Variants in SFXN5 observed in about 807,000 individuals in gnomAD.
SFXN5 encodes the protein sideroflexin-5.
SFXN5 carries 43 observed loss-of-function variants against 50.2 expected under a neutral mutation model. The observed-to-expected ratio is 0.86, with a 90% confidence interval of 0.67 to 1.11. The LOEUF (loss-of-function observed/expected upper bound fraction) is 1.11. Among genes scored for constraint, SFXN5 ranks in the 50% least tolerant of loss-of-function variants. The pLI, the probability that SFXN5 is intolerant of heterozygous loss-of-function variation, is 0.00. For synonymous variants in SFXN5, 203 were observed against 185.8 expected (o/e 1.09, Z -0.75); for missense variants, 463 against 454.1 (o/e 1.02, Z -0.18).
At chr2:72,965,194 G>A (rs879795735) in intron 12 of SFXN5, among the ~76,000 whole-genome samples, 1 of 152,178 alleles carries the variant, frequency 6.6e-6, no homozygotes, top group East Asian at 1.9e-4. Context: ...AGGGGAGCAC[G>A]CTGGCGGAAG....
chr2:72,990,727 C>T lies in SFXN5; in HGVS notation c.535-2379G>A, dbSNP rs570362753. On this transcript the variant is annotated intron_variant, in intron 9 of 13. Coordinates refer to ENST00000272433, the MANE Select transcript of SFXN5 (RefSeq NM_144579.3). ...GAGGCAAGTAAAGCTAGCATTTGAA[C>T]GCAGGGCCTGCTAATTCCAAAGCCT... Among the ~76,000 whole-genome samples the T allele has an allele frequency of 3.9e-5, 6 of 152,308 alleles. No individual in the cohort carries two copies. The South Asian group carries it at 1.0e-3, about 26-fold the overall frequency.
At chr2:72,995,306 A>G (rs1458860672) in intron 9 of SFXN5, among the ~76,000 whole-genome samples, 1 of 152,270 alleles carries the variant, frequency 6.6e-6, no homozygotes, top group African/African-American at 2.4e-5. Flanking sequence ...GTTAGATTTC[A>G]AAAATAACTT....
rs773607973 is a variant in SFXN5, at chr2:72,978,793, A to C, written c.626-7108T>G. ...CGATTCCCAGCACAAGTGAAACCAA[A>C]GCTGAGGTAGGGCCCAGATCTGTTT... On this transcript the variant is annotated intron_variant, in intron 10 of 13. Transcript: ENST00000272433. 2.9e-4 allele frequency among the ~76,000 whole-genome samples: 44 copies of C among 151,926 alleles called. No homozygotes were observed. The South Asian group carries it at 4.1e-3, about 14-fold the overall frequency.
intron 6 of SFXN5, among the ~76,000 whole-genome samples, chr2:73,003,447 G>A (rs1322066178): frequency 6.6e-6 from 1 of 152,164 alleles, no homozygotes; most frequent in Non-Finnish European, 1.5e-5. Flanking sequence ...GACACCACAG[G>A]GTTCCCTTTA....
intron 1 of SFXN5, chr2:73,059,565 A>C: frequency 1.0e-6 from 1 of 985,218 alleles, no homozygotes; most frequent in Non-Finnish European, 1.2e-6. Flanking sequence ...GCTCCAGGTC[A>C]CCTCAAAGTC....
rs761451380 is a variant in SFXN5, at chr2:73,058,540, G to C, written c.159C>G (p.Leu53=). 1.2e-6 allele frequency: 2 copies of C among 1,614,128 alleles called. No individual in the cohort carries two copies. The highest frequency in any genetic ancestry group is 2.2e-5 in the South Asian group (2 of 91,072). Residue 53 remains leucine, a synonymous_variant, in exon 2 of 14, where the codon CTC becomes CTG. Transcript: ENST00000272433. ...HFLDIIDPRT[L]FVTERRLREA... is the part of the protein sequence containing the mutation. ...AGCCATGACTTACCTCAGTGACAAAGAGTGTGCGAGGGTCGATGATATCCA... is the reference window on the plus strand; with the variant it reads ...AGCCATGACTTACCTCAGTGACAAACAGTGTGCGAGGGTCGATGATATCCA...
intron 3 of SFXN5, 49 bp downstream of exon 3, chr2:73,040,805 C>A: frequency 6.8e-7 from 1 of 1,478,758 alleles, no homozygotes. Context: ...GAATTTCTCA[C>A]TTTCCTTCCC....
At chr2:73,007,598 T>C (rs1674874494) in intron 6 of SFXN5, among the ~76,000 whole-genome samples, 1 of 152,050 alleles carries the variant, frequency 6.6e-6, no homozygotes, top group Non-Finnish European at 1.5e-5. Context: ...TCTATAAGCT[T>C]CAGAGAAATG....
At chr2:73,017,544 T>C (rs2105805630) in intron 6 of SFXN5, among the ~76,000 whole-genome samples, 1 of 152,324 alleles carries the variant, frequency 6.6e-6, no homozygotes, top group East Asian at 1.9e-4. Flanking sequence ...CAAAGAAATC[T>C]TGGGCTTTAG....
chr2:72,995,132 C>T (rs1048115770), intron 9 of SFXN5, among the ~76,000 whole-genome samples: 2 of 152,126 alleles, frequency 1.3e-5, no homozygotes, highest in African/African-American at 2.4e-5. Context: ...GCAAAGTACC[C>T]GCACATCACA....
intron 13 of SFXN5, among the ~76,000 whole-genome samples, chr2:72,947,818 A>ACCCCCCCCCCCCCCCCCCCCCTCCCC (rs1553504473): frequency 2.6e-5 from 3 of 114,480 alleles, no homozygotes; most frequent in South Asian, 3.1e-4. Flanking sequence ...ACCTTCTCCC[A>ACCCCCCCCCCCCCCCCCCCCCTCCCC]CCCCACCCCT....
intron 1 of SFXN5, among the ~76,000 whole-genome samples, chr2:73,069,400 G>A (rs1312511880): frequency 1.3e-5 from 2 of 152,152 alleles, no homozygotes; most frequent in African/African-American, 2.4e-5. Context: ...AAGGGTGAGG[G>A]AGAAGAAGGA....
chr2:73,057,714 TGA>T (rs1682326877), intron 2 of SFXN5, among the ~76,000 whole-genome samples: 1 of 152,182 alleles, frequency 6.6e-6, no homozygotes, highest in Admixed American at 6.5e-5. Flanking sequence ...CCCCACATGT[TGA>T]GAGAGGACAT....
At chr2:72,990,207 G>A (rs1559127339) in intron 9 of SFXN5, among the ~76,000 whole-genome samples, 6 of 152,220 alleles carry the variant, frequency 3.9e-5, no homozygotes, top group South Asian at 4.1e-4. Context: ...CTGGGCTCTC[G>A]GGAACACAGC....
chr2:72,975,224 T>C (rs999444434), intron 10 of SFXN5, among the ~76,000 whole-genome samples: 6 of 152,178 alleles, frequency 3.9e-5, no homozygotes, highest in Non-Finnish European at 7.3e-5. Flanking sequence ...ATCATGCAGA[T>C]TGTGAAAAGC....
intron 12 of SFXN5, among the ~76,000 whole-genome samples, chr2:72,967,955 T>C (rs1674639390): frequency 6.6e-6 from 1 of 152,180 alleles, no homozygotes; most frequent in Non-Finnish European, 1.5e-5. Context: ...CAGGAGGCTA[T>C]TACTATTTGT....
intron 2 of SFXN5, among the ~76,000 whole-genome samples, chr2:73,052,853 A>C (rs751903332): frequency 1.5e-4 from 23 of 152,158 alleles, no homozygotes; most frequent in Non-Finnish European, 2.8e-4. Context: ...CACACACTGC[A>C]CCCTGGCAAG....
intron 3 of SFXN5, among the ~76,000 whole-genome samples, chr2:73,025,722 G>A (rs1677468248): frequency 6.6e-6 from 1 of 152,222 alleles, no homozygotes; most frequent in Non-Finnish European, 1.5e-5. Context: ...CAGTGGGAGT[G>A]AGTGGGCTCA....
chr2:72,958,302 A>G (rs1043606977), intron 13 of SFXN5, among the ~76,000 whole-genome samples: 51 of 152,156 alleles, frequency 3.4e-4, no homozygotes, highest in African/African-American at 1.2e-3. Context: ...GGAAATGATC[A>G]GGTGTAGCAC....
Sources: allele counts gnomAD v4.1 joint callset (sites outside exome capture counted in the v4.1 genomes callset), GRCh38; gene constraint gnomAD v4.1.1; transcripts MANE v1.5; gene names NCBI Gene and HGNC (gene_info 2026-07-23, HGNC 2026-07-21).